The following RGL1 variants were observed in gnomAD, a reference collection of about 807,000 sequenced individuals.
RGL1 encodes ral guanine nucleotide dissociation stimulator like 1.
Under a neutral mutation model 95.2 loss-of-function variants are expected in RGL1, and 24 were observed. That is an observed-to-expected ratio of 0.25 (90% CI 0.18 to 0.35). The LOEUF (loss-of-function observed/expected upper bound fraction) is 0.35, where lower values mean the gene tolerates loss of function less well. Ranked by LOEUF, RGL1 falls within the 10% of genes least tolerant of loss-of-function variation. The pLI is 1.00. For missense variants in RGL1, 715 were observed against 936.3 expected (o/e 0.76, Z 3.08); for synonymous variants, 329 against 344.9 (o/e 0.95, Z 0.51).
Position 183,893,309 on chromosome 1 carries a change from C to T in RGL1, c.1140+1148C>T, listed in dbSNP as rs184273614. ...AAAAGTTGTGATTCTTATCCTTAAT[C>T]TCCTTTTCTATAAATGGGAGCCAAT... On this transcript the variant is annotated intron_variant, in intron 9 of 17. Transcript: ENST00000360851. Among the ~76,000 whole-genome samples, 399 of 152,322 alleles carry T rather than the reference C, an allele frequency of 2.6e-3. 2 individuals are homozygous for T. Among genetic ancestry groups the T allele is most frequent in the Admixed American group, 4.5e-3 (69 of 15,300 alleles).
chr1:183,661,698 C>T (rs945583736), intron 1 of RGL1, among the ~76,000 whole-genome samples: 11 of 149,680 alleles, frequency 7.3e-5, no homozygotes, highest in Non-Finnish European at 1.3e-4. Flanking sequence ...TCCTCCCTAA[C>T]TCATTTTATG....
intron 15 of RGL1, among the ~76,000 whole-genome samples, chr1:183,913,269 C>T (rs1457605416): frequency 7.5e-6 from 1 of 133,372 alleles, no homozygotes; most frequent in Non-Finnish European, 1.5e-5. Context: ...GATCTTGGCT[C>T]ACTACAACCT....
At chr1:183,644,250 T>G (rs946296137) in intron 1 of RGL1, among the ~76,000 whole-genome samples, 2 of 152,166 alleles carry the variant, frequency 1.3e-5, no homozygotes, top group African/African-American at 4.8e-5. Flanking sequence ...CAGCTCAGCC[T>G]TTTTTTACTA....
chr1:183,778,527 C>T (rs904078998), intron 2 of RGL1, among the ~76,000 whole-genome samples: 1 of 152,018 alleles, frequency 6.6e-6, no homozygotes, highest in Non-Finnish European at 1.5e-5. Flanking sequence ...ATTTGGGACA[C>T]CTTATTTTAT....
chr1:183,849,504 T>G (rs945347719), intron 3 of RGL1, among the ~76,000 whole-genome samples: 30 of 140,800 alleles, frequency 2.1e-4, no homozygotes, highest in African/African-American at 7.0e-4. Context: ...TTTTTTTTTT[T>G]TTGTTGAGAT....
chr1:183,764,751 G>A (rs542738566), intron 2 of RGL1, among the ~76,000 whole-genome samples: 2 of 152,208 alleles, frequency 1.3e-5, no homozygotes, highest in East Asian at 1.9e-4. Flanking sequence ...GGAATCAAAC[G>A]TTAATTTAAT....
At chr1:183,711,587 G>A (rs937878125) in intron 1 of RGL1, among the ~76,000 whole-genome samples, 11 of 152,314 alleles carry the variant, frequency 7.2e-5, no homozygotes, top group African/African-American at 2.6e-4. Flanking sequence ...AAAGGTGAGA[G>A]TCTAGGGGCC....
At chr1:183,743,208 C>T (rs1202692469) in intron 2 of RGL1, among the ~76,000 whole-genome samples, 1 of 152,048 alleles carries the variant, frequency 6.6e-6, no homozygotes, top group Non-Finnish European at 1.5e-5. Flanking sequence ...AGATGAGACT[C>T]TCGCTATGTT....
chr1:183,684,325 A>G (rs904496153), intron 1 of RGL1, among the ~76,000 whole-genome samples: 2 of 152,056 alleles, frequency 1.3e-5, no homozygotes, highest in Non-Finnish European at 2.9e-5. Flanking sequence ...TTGGTCTTTG[A>G]TGCTGGTGAC....
chr1:183,651,650 C>T (rs1464029532), intron 1 of RGL1, among the ~76,000 whole-genome samples: 5 of 152,236 alleles, frequency 3.3e-5, no homozygotes, highest in Non-Finnish European at 2.9e-5. Context: ...TAGATTTCTC[C>T]TAGCCTCTGC....
Position 183,890,356 on chromosome 1 carries a change from C to T in RGL1, c.1056-1721C>T, listed in dbSNP as rs78915743. On this transcript the variant is annotated intron_variant, in intron 8 of 17. Transcript: ENST00000360851. ...CTTGTATCTTAGTCTCCTTGGCTGC[C>T]ATATGAAAAGATTTATTCTAGCTGG... Among the ~76,000 whole-genome samples, 328 of 152,236 alleles carry T rather than the reference C, an allele frequency of 2.2e-3. 1 individual carries two copies. Among genetic ancestry groups the T allele is most frequent in the African/African-American group, 7.6e-3 (316 of 41,538 alleles).
At chr1:183,892,869 A>G (rs74648947) in intron 9 of RGL1, among the ~76,000 whole-genome samples, 27,423 of 152,216 alleles carry the variant, frequency 0.18, 2,731 homozygotes, top group Non-Finnish European at 0.22. Context: ...CATAGACCAA[A>G]TATTATCCTC....
At chr1:183,896,101 C>G (rs904276147) in intron 9 of RGL1, among the ~76,000 whole-genome samples, 1 of 152,202 alleles carries the variant, frequency 6.6e-6, no homozygotes, top group African/African-American at 2.4e-5. Flanking sequence ...ACCTACACAC[C>G]GGAAAGAGGT....
chr1:183,737,599 AT>A (rs1309398730), intron 1 of RGL1, among the ~76,000 whole-genome samples: 1 of 150,816 alleles, frequency 6.6e-6, no homozygotes, highest in African/African-American at 2.4e-5. Context: ...AAAAAAAAAA[AT>A]CTTTCCATGG....
chr1:183,679,026 G>A (rs1653021061), intron 1 of RGL1, among the ~76,000 whole-genome samples: 2 of 152,118 alleles, frequency 1.3e-5, no homozygotes, highest in South Asian at 4.1e-4. Context: ...TTTATATATA[G>A]GTCCTAAGCA....
At chr1:183,811,921 AG>A (rs1661744369) in intron 2 of RGL1, among the ~76,000 whole-genome samples, 3 of 152,242 alleles carry the variant, frequency 2.0e-5, no homozygotes, top group Admixed American at 6.5e-5. Flanking sequence ...GAAATCATAA[AG>A]AAAAAGCCTC....
upstream of RGL1, among the ~76,000 whole-genome samples, chr1:183,801,385 T>C (rs574759949): frequency 1.8e-3 from 270 of 152,322 alleles, 1 homozygote; most frequent in African/African-American, 6.1e-3. Flanking sequence ...CTTAAAATAT[T>C]GTGGGTATTA....
At chr1:183,855,687 C>T (rs1665093787) in intron 3 of RGL1, among the ~76,000 whole-genome samples, 1 of 152,176 alleles carries the variant, frequency 6.6e-6, no homozygotes, top group Non-Finnish European at 1.5e-5. Flanking sequence ...GACTTATGGT[C>T]CCAGTGTCGC....
At chr1:183,843,700 G>T (rs185060929) in intron 2 of RGL1, among the ~76,000 whole-genome samples, 60 of 152,282 alleles carry the variant, frequency 3.9e-4, no homozygotes, top group African/African-American at 1.4e-3. Flanking sequence ...TTTGGTAAGG[G>T]AACACTGTTA....
Sources: gnomAD v4.1 joint callset for allele counts (sites outside exome capture counted in the v4.1 genomes callset) on GRCh38, gnomAD v4.1.1 for gene constraint, MANE v1.5 for transcripts, NCBI Gene and HGNC (gene_info 2026-07-23, HGNC 2026-07-21) for gene names.